PCDHGA7: variants seen among roughly 807,000 people sequenced by gnomAD.
PCDHGA7 encodes protocadherin gamma-A7.
Under a neutral mutation model 58.3 loss-of-function variants are expected in PCDHGA7, and 44 were observed. The observed-to-expected ratio is 0.75, with a 90% CI of 0.59 to 0.97. The LOEUF (loss-of-function observed/expected upper bound fraction) is 0.97, where lower values mean the gene tolerates loss of function less well. PCDHGA7 is among the 50% of genes least tolerant of loss of function. The pLI is 0.00. For missense variants in PCDHGA7, 1,266 were observed against 1,188.7 expected (o/e 1.06, Z -0.96); for synonymous variants, 516 against 504.2 (o/e 1.02, Z -0.31).
chr5:141,495,982 T>C (rs2099765062), intron 2 of PCDHGA7, among the ~76,000 whole-genome samples: 2 of 152,144 alleles, frequency 1.3e-5, no homozygotes. Context: ...TACTCTTTCT[T>C]TATCTCTCTT....
chr5:141,448,974 C>T (rs937711828), intron 1 of PCDHGA7, among the ~76,000 whole-genome samples: 5 of 151,994 alleles, frequency 3.3e-5, no homozygotes, highest in African/African-American at 1.2e-4. Context: ...CAAAAAAGAA[C>T]TTCCATATTA....
At chr5:141,421,261 C>T (rs753531462) in intron 1 of PCDHGA7, 24 of 1,609,076 alleles carry the variant, frequency 1.5e-5, no homozygotes, top group Non-Finnish European at 2.0e-5. Context: ...GGACCGCAGT[C>T]GGCTGCTGCT....
chr5:141,494,449 G>A (rs185095384), intron 1 of PCDHGA7, among the ~76,000 whole-genome samples: 2 of 152,254 alleles, frequency 1.3e-5, no homozygotes, highest in East Asian at 3.9e-4. Flanking sequence ...CACTTTAGGG[G>A]GCTTTGTCTG....
intron 1 of PCDHGA7, among the ~76,000 whole-genome samples, chr5:141,484,569 AGACT>A (rs1376518478): frequency 1.3e-5 from 2 of 152,106 alleles, no homozygotes; most frequent in African/African-American, 2.4e-5. Context: ...CAATACAATC[AGACT>A]GAGACGGAAG....
chr5:141,383,872 C>T lies in PCDHGA7; in HGVS notation c.973C>T (p.Pro325Ser). 6.2e-7 allele frequency: 1 copy of T among 1,613,908 alleles called. No individual in the cohort carries two copies. The highest frequency in any genetic ancestry group is 8.5e-7 in the Non-Finnish European group (1 of 1,179,874). Residue 325 changes from proline (P) to serine (S), a missense_variant, in exon 1 of 4, where the codon CCT (proline) becomes TCT (serine). Pro to Ser is a moderately conservative substitution (Grantham distance 74, BLOSUM62 -1). Coordinates refer to ENST00000518325, the MANE Select transcript of PCDHGA7 (RefSeq NM_018920.4). The stretch of plus-strand genomic sequence containing the variant: ...AATGGAGGTTCAGGCTCAAGATGGT[C>T]CTGGTAGTCTGACAAAGGCAAAAGT... ...YEMEVQAQDG[P>S]GSLTKAKVLI...
In PCDHGA7 at chr5:141,489,091, T is replaced by TCAG. The variant is rs2099682519; in HGVS notation, c.2425-5716_2425-5715insCAG. On this transcript the variant is annotated intron_variant, in intron 1 of 3. Transcript: ENST00000518325. This position sits in a 1 kb window ranked among gnomAD's most constrained non-coding sequence, Gnocchi z 4.5. ...CTGCCCACCCCCGCCACTCGGTGACTAAGAACTGCTGCAAGCAGGCAAACC... is the reference window on the plus strand; with the variant it reads ...CTGCCCACCCCCGCCACTCGGTGACTCAGAAGAACTGCTGCAAGCAGGCAAACC... The TCAG allele has an allele frequency of 3.0e-6, 1 of 333,056 alleles. No individual in the cohort carries two copies. Among genetic ancestry groups the TCAG allele is most frequent in the Non-Finnish European group, 5.5e-6 (1 of 181,380 alleles). 20.6% of individuals were successfully genotyped at this position (333,056 alleles called of 1,614,324 possible). A position where few individuals can be genotyped will look rare whatever the true frequency, so the allele number is the denominator to read the frequency against.
intron 1 of PCDHGA7, chr5:141,404,928 C>G: frequency 2.5e-6 from 4 of 1,613,866 alleles, no homozygotes; most frequent in Non-Finnish European, 3.4e-6. Context: ...GCCACTGTCA[C>G]GCTCACAGTA....
chr5:141,384,549 G>C lies in PCDHGA7; in HGVS notation c.1650G>C (p.Leu550=). ...PPLSSNMSLS[L]FVLDQNDNPP... ...TCAGCAGCAACATGTCACTGAGCCT[G>C]TTCGTGCTGGACCAGAATGACAACC... Residue 550 remains leucine, a synonymous_variant, in exon 1 of 4, where the codon CTG becomes CTC. Transcript: ENST00000518325. 1 of 1,614,244 alleles carries C rather than the reference G, an allele frequency of 6.2e-7. No homozygotes were observed. Among genetic ancestry groups the C allele is most frequent in the Non-Finnish European group, 8.5e-7 (1 of 1,180,032 alleles).
intron 1 of PCDHGA7, chr5:141,423,278 A>C: frequency 1.2e-6 from 2 of 1,613,940 alleles, no homozygotes; most frequent in Non-Finnish European, 1.7e-6. Flanking sequence ...TCTCTGGCTA[A>C]CTCTGAAACC....
Position 141,432,488 on chromosome 5 carries a change from C to G in PCDHGA7, c.2424+47165C>G. 6.2e-7 allele frequency: 1 copy of G among 1,614,202 alleles called. No homozygotes were observed. Among genetic ancestry groups the G allele is most frequent in the Non-Finnish European group, 8.5e-7 (1 of 1,180,048 alleles). On this transcript the variant is annotated intron_variant, in intron 1 of 3. Coordinates refer to ENST00000518325, the MANE Select transcript of PCDHGA7 (RefSeq NM_018920.4). This position sits in a 1 kb window ranked among gnomAD's most constrained non-coding sequence, Gnocchi z 6.0. ...CACGGACGGTTCCACTGGCGTGGAGCTGGCTCCCCGCTCCGCAGAGCCCGG... is the reference window on the plus strand; with the variant it reads ...CACGGACGGTTCCACTGGCGTGGAGGTGGCTCCCCGCTCCGCAGAGCCCGG...
chr5:141,419,769 C>G (rs773303779), intron 1 of PCDHGA7: 3 of 1,613,888 alleles, frequency 1.9e-6, no homozygotes, highest in Non-Finnish European at 2.5e-6. Context: ...GACAAGGACT[C>G]GGTCCGCCAG....
chr5:141,468,464 TC>T (rs2099167734), intron 1 of PCDHGA7: 2 of 152,174 alleles, frequency 1.3e-5, no homozygotes, highest in Admixed American at 1.3e-4. Flanking sequence ...GCAAGTTATT[TC>T]TGAGGAGAAT....
Position 141,512,171 on chromosome 5 carries a change from T to C in PCDHGA7, c.*998T>C, listed in dbSNP as rs140884268. ...GGGCTGAGCTAACAGGACCAATGGA[T>C]TAAACTGGCATTTCAGTCCAAGGAA... On this transcript the variant is annotated 3_prime_UTR_variant, in exon 4 of 4. Transcript: ENST00000518325. 584 of 152,796 alleles carry C rather than the reference T, an allele frequency of 3.8e-3. 5 individuals carry two copies. The highest frequency in any genetic ancestry group is 0.011 in the Admixed American group (167 of 15,298). The allele number at this position is 152,796 out of a possible 1,614,324, so 9.5% of individuals were successfully genotyped here. A position where few individuals can be genotyped will look rare whatever the true frequency, so the allele number is the denominator to read the frequency against.
At chr5:141,463,553 A>G (rs1163004575) in intron 1 of PCDHGA7, among the ~76,000 whole-genome samples, 3 of 140,962 alleles carry the variant, frequency 2.1e-5, no homozygotes, top group Non-Finnish European at 4.5e-5. Context: ...GGTTCATGCC[A>G]TTCTCCTGCC....
At chr5:141,414,363 T>C in intron 1 of PCDHGA7, 3 of 1,613,910 alleles carry the variant, frequency 1.9e-6, no homozygotes, top group Non-Finnish European at 1.7e-6. Context: ...ATCTACCATT[T>C]AAATTAGAAA....
rs1193417991 is a variant in PCDHGA7 at position 141,491,413 on chromosome 5, G to T, written c.2425-3394G>T. The T allele has an allele frequency of 6.2e-7, 1 of 1,614,064 alleles. No individual in the cohort carries two copies. Among genetic ancestry groups the T allele is most frequent in the South Asian group, 1.1e-5 (1 of 91,074 alleles). ...CCTTCAGGGAAACGCAGACGGGGAC[G>T]GGGGTGGAGGGCAGTGCTGCAGGCG... On this transcript the variant is annotated intron_variant, in intron 1 of 3. Transcript: ENST00000518325. This position sits in a 1 kb window ranked among gnomAD's most constrained non-coding sequence, Gnocchi z 6.9.
chr5:141,471,893 T>G (rs1289667371), intron 1 of PCDHGA7, among the ~76,000 whole-genome samples: 1 of 152,166 alleles, frequency 6.6e-6, no homozygotes, highest in African/African-American at 2.4e-5. Flanking sequence ...CTAGGAAGAT[T>G]GACTACAGAC....
rs776004958 is a variant in PCDHGA7 at position 141,410,344 on chromosome 5, C to T, written c.2424+25021C>T. 6 of 1,614,006 alleles carry T rather than the reference C, an allele frequency of 3.7e-6. No individual in the cohort carries two copies. In the South Asian group the frequency reaches 6.6e-5, roughly 18 times the overall value. On this transcript the variant is annotated intron_variant, in intron 1 of 3. Transcript: ENST00000518325. ...CCGTGATTCTGGCCATTGCCTTGCG[C>T]CTGCGACGCTCTCTCAGCCCTGCTA...
intron 1 of PCDHGA7, 122 bp downstream of exon 1, chr5:141,385,445 T>A (rs2150293072): frequency 1.4e-6 from 2 of 1,450,040 alleles, no homozygotes; most frequent in Non-Finnish European, 1.8e-6. Context: ...TAAAAATGAG[T>A]TTACCAGTTT....
Sources: gnomAD v4.1 joint callset for allele counts (sites outside exome capture counted in the v4.1 genomes callset) on GRCh38, gnomAD v4.1.1 for gene constraint, Gnocchi (gnomAD v3.1) non-coding constraint, MANE v1.5 for transcripts, NCBI Gene and HGNC (gene_info 2026-07-23, HGNC 2026-07-21) for gene names.